The following ENPP6 variants were observed in gnomAD, a reference collection of about 807,000 sequenced individuals.
ENPP6 encodes glycerophosphocholine cholinephosphodiesterase ENPP6.
ENPP6 carries 32 observed loss-of-function variants against 42.0 expected under a neutral mutation model. That is an observed-to-expected ratio of 0.76 (90% CI 0.58 to 1.02). The LOEUF is 1.02. Ranked by LOEUF, ENPP6 falls within the 50% of genes least tolerant of loss-of-function variation. ENPP6 has a pLI of 0.00. For missense variants in ENPP6, 552 were observed against 566.8 expected, an observed-to-expected ratio of 0.97 and a Z score of 0.27; for synonymous variants, 213 against 216.0, an observed-to-expected ratio of 0.99 and a Z score of 0.12.
intron 2 of ENPP6, among the ~76,000 whole-genome samples, chr4:184,150,323 C>T (rs1233493288): frequency 4.6e-5 from 7 of 152,058 alleles, no homozygotes; most frequent in Non-Finnish European, 1.0e-4. Flanking sequence ...CTAAATTGCA[C>T]TTCTAAATAT....
intron 7 of ENPP6, among the ~76,000 whole-genome samples, chr4:184,096,776 G>A (rs1249490303): frequency 3.3e-5 from 5 of 152,050 alleles, no homozygotes; most frequent in African/African-American, 1.2e-4. Context: ...GCACATCCCA[G>A]CTTCTGGCTG....
rs770432002 is a variant in ENPP6, at chr4:184,116,958, T to C, written c.753A>G (p.Lys251=). ...HGMTDIFWMD[K]VIELNKYISL... ...TGATGTACTTATTCAGCTCAATCAC[T>C]TTGTCCATCCAGAAAATGTCGGTCA... The change falls in exon 5 of 8, where the codon AAA becomes AAG. Residue 251 remains lysine, a synonymous_variant. Coordinates refer to ENST00000296741, the MANE Select transcript of ENPP6 (RefSeq NM_153343.4). 3.1e-6 allele frequency: 5 copies of C among 1,614,166 alleles called. No homozygotes were observed. The highest frequency in any genetic ancestry group is 2.2e-5 in the South Asian group (2 of 91,080).
At chr4:184,189,022 C>G (rs911063601) in intron 1 of ENPP6, among the ~76,000 whole-genome samples, 7 of 152,232 alleles carry the variant, frequency 4.6e-5, no homozygotes, top group African/African-American at 1.7e-4. Context: ...TGTGACCCAC[C>G]AGGGTGACCA....
At chr4:184,120,803 C>A (rs901280739) in intron 3 of ENPP6, among the ~76,000 whole-genome samples, 7 of 152,200 alleles carry the variant, frequency 4.6e-5, no homozygotes, top group African/African-American at 1.7e-4. Flanking sequence ...CCAAAGAGAA[C>A]ACTTGCAAAG....
intron 1 of ENPP6, among the ~76,000 whole-genome samples, chr4:184,213,372 T>G (rs1303394901): frequency 1.3e-5 from 2 of 151,978 alleles, no homozygotes; most frequent in South Asian, 4.1e-4. Flanking sequence ...GAATCTACGA[T>G]GAACTCAAAC....
chr4:184,155,858 C>T (rs540908608), intron 1 of ENPP6, among the ~76,000 whole-genome samples: 5 of 152,332 alleles, frequency 3.3e-5, no homozygotes, highest in Admixed American at 6.5e-5. Flanking sequence ...TTCTCTTCAA[C>T]GCACATATTT....
At chr4:184,098,794 A>AAAC (rs1481008400) in intron 6 of ENPP6, among the ~76,000 whole-genome samples, 12 of 152,170 alleles carry the variant, frequency 7.9e-5, no homozygotes, top group African/African-American at 2.7e-4. Context: ...CTCAGAAGCC[A>AAAC]CTCATTCTTC....
At chr4:184,187,212 G>GCAGGGC (rs1732646852) in intron 1 of ENPP6, among the ~76,000 whole-genome samples, 1 of 152,204 alleles carries the variant, frequency 6.6e-6, no homozygotes, top group Non-Finnish European at 1.5e-5. Context: ...GAATCCTCAA[G>GCAGGGC]CTGGGCCAAG....
intron 1 of ENPP6, among the ~76,000 whole-genome samples, chr4:184,180,266 G>C (rs1385260713): frequency 6.6e-6 from 1 of 152,070 alleles, no homozygotes; most frequent in Non-Finnish European, 1.5e-5. Context: ...TAGAAGAAAT[G>C]GATAAATTCC....
chr4:184,131,208 C>CTT (rs1206367458), intron 2 of ENPP6, among the ~76,000 whole-genome samples: 3 of 84,430 alleles, frequency 3.6e-5, no homozygotes, highest in South Asian at 4.5e-4. Flanking sequence ...TTTCTTCTTT[C>CTT]TTTCTTTCTT....
At chr4:184,208,606 C>A (rs1222708468) in intron 1 of ENPP6, among the ~76,000 whole-genome samples, 2 of 151,280 alleles carry the variant, frequency 1.3e-5, no homozygotes, top group Non-Finnish European at 3.0e-5. Context: ...CGGAGTCTCG[C>A]TGATTGCTAG....
chr4:184,135,757 G>A (rs1012202997), intron 2 of ENPP6, among the ~76,000 whole-genome samples: 27 of 152,174 alleles, frequency 1.8e-4, no homozygotes, highest in Admixed American at 5.9e-4. Flanking sequence ...GAGTACCCAC[G>A]TCAGAAAACA....
chr4:184,214,103 G>A (rs1733159801), intron 1 of ENPP6, among the ~76,000 whole-genome samples: 1 of 135,536 alleles, frequency 7.4e-6, no homozygotes, highest in African/African-American at 2.8e-5. Context: ...GGTGGGGGGA[G>A]GCGGGAGGGA....
At chr4:184,101,336 GTGTGTGTGTGTGTGTA>G (rs1380555297) in intron 6 of ENPP6, among the ~76,000 whole-genome samples, 151 of 149,578 alleles carry the variant, frequency 1.0e-3, no homozygotes, top group African/African-American at 3.7e-3. Context: ...GTGTGTGTGT[GTGTGTGTGTGTGTGTA>G]GCACTGGGGT....
chr4:184,142,706 G>A (rs1283152617), intron 2 of ENPP6, among the ~76,000 whole-genome samples: 1 of 152,236 alleles, frequency 6.6e-6, no homozygotes, highest in Non-Finnish European at 1.5e-5. Context: ...CACACAAAGT[G>A]ACTAATAGGA....
chr4:184,095,756 C>T (rs1290523108), intron 7 of ENPP6, among the ~76,000 whole-genome samples: 1 of 151,730 alleles, frequency 6.6e-6, no homozygotes, highest in East Asian at 1.9e-4. Context: ...ATTCATGATC[C>T]TATTTCCCTC....
At chr4:184,113,551 C>T (rs1329393172) in intron 5 of ENPP6, among the ~76,000 whole-genome samples, 3 of 152,064 alleles carry the variant, frequency 2.0e-5, no homozygotes, top group African/African-American at 7.2e-5. Flanking sequence ...GTCAAAACGC[C>T]CATGCTCTAA....
chr4:184,122,693 C>T (rs1736438047), intron 3 of ENPP6, among the ~76,000 whole-genome samples: 1 of 152,212 alleles, frequency 6.6e-6, no homozygotes, highest in South Asian at 2.1e-4. Flanking sequence ...GACAATCCAT[C>T]AGCTGTTAAG....
intron 1 of ENPP6, among the ~76,000 whole-genome samples, chr4:184,164,090 C>G (rs1737310975): frequency 6.6e-6 from 1 of 152,178 alleles, no homozygotes; most frequent in Non-Finnish European, 1.5e-5. Context: ...ATGGTGGCTA[C>G]AGTGGAGAGA....
Sources: gnomAD v4.1 joint callset for allele counts (sites outside exome capture counted in the v4.1 genomes callset) on GRCh38, gnomAD v4.1.1 for gene constraint, MANE v1.5 for transcripts, NCBI Gene and HGNC (gene_info 2026-07-23, HGNC 2026-07-21) for gene names.